The following DPP10 variants were observed in gnomAD, a reference collection of about 807,000 sequenced individuals.
The protein encoded by DPP10 is dipeptidyl peptidase like 10.
A neutral mutation model predicts 120.9 loss-of-function variants in DPP10; 33 were observed. That is an observed-to-expected ratio of 0.27 (90% CI 0.21 to 0.37). The LOEUF is 0.37. Ranked by LOEUF, DPP10 falls within the 10% of genes least tolerant of loss-of-function variation. The probability of loss-of-function intolerance (pLI) is 1.00; values close to 1 mark genes in which losing one functional copy is unlikely to be tolerated. For synonymous variants in DPP10, 337 were observed against 326.1 expected, an observed-to-expected ratio of 1.03 and a Z score of -0.36; for missense variants, 816 against 942.8, an observed-to-expected ratio of 0.87 and a Z score of 1.76.
intron 1 of DPP10, among the ~76,000 whole-genome samples, chr2:114,629,329 C>G (rs1241004137): frequency 6.6e-6 from 1 of 152,110 alleles, no homozygotes; most frequent in Non-Finnish European, 1.5e-5. Flanking sequence ...TTATTGATTA[C>G]AGAAAAACGT....
intron 2 of DPP10, among the ~76,000 whole-genome samples, chr2:115,324,212 G>T (rs553627812): frequency 6.6e-6 from 1 of 152,236 alleles, no homozygotes; most frequent in East Asian, 1.9e-4. Context: ...GGAGGTGGAG[G>T]TTGCAGTGAG....
intron 5 of DPP10, among the ~76,000 whole-genome samples, chr2:115,684,218 A>G (rs1056126027): frequency 5.9e-5 from 9 of 151,848 alleles, no homozygotes; most frequent in Admixed American, 3.3e-4. Flanking sequence ...TAAAAGGGCA[A>G]TGTTTTAAAA....
At chr2:114,575,071 A>G (rs924081211) in intron 1 of DPP10, among the ~76,000 whole-genome samples, 10 of 152,228 alleles carry the variant, frequency 6.6e-5, no homozygotes, top group Non-Finnish European at 1.5e-4. Flanking sequence ...TCCATTTATT[A>G]GTATTTGAGT....
intron 3 of DPP10, among the ~76,000 whole-genome samples, chr2:115,457,195 T>C (rs2073628166): frequency 6.6e-6 from 1 of 151,978 alleles, no homozygotes; most frequent in Non-Finnish European, 1.5e-5. Flanking sequence ...CAAATGGTGA[T>C]AGGAAAATTA....
chr2:114,761,502 A>G (rs187249757), intron 1 of DPP10, among the ~76,000 whole-genome samples: 1 of 152,306 alleles, frequency 6.6e-6, no homozygotes, highest in African/African-American at 2.4e-5. Context: ...AGGGCAAGAT[A>G]GATGGGTTTG....
chr2:115,045,072 A>G (rs145781466), intron 1 of DPP10, among the ~76,000 whole-genome samples: 112 of 152,326 alleles, frequency 7.4e-4, no homozygotes, highest in African/African-American at 2.1e-3. Context: ...TAGTGCTGCA[A>G]TAAATACAGA....
intron 1 of DPP10, among the ~76,000 whole-genome samples, chr2:114,667,662 C>T (rs1445564818): frequency 6.6e-6 from 1 of 152,054 alleles, no homozygotes; most frequent in Non-Finnish European, 1.5e-5. Flanking sequence ...TAATATTGCT[C>T]AAATAGAGCT....
At chr2:115,654,217 C>G (rs1195472078) in intron 5 of DPP10, among the ~76,000 whole-genome samples, 1 of 151,602 alleles carries the variant, frequency 6.6e-6, no homozygotes, top group Admixed American at 6.6e-5. Flanking sequence ...TTAACATAAA[C>G]AAATATAAAA....
At chr2:114,873,469 C>A (rs946033379) in intron 1 of DPP10, among the ~76,000 whole-genome samples, 42 of 152,096 alleles carry the variant, frequency 2.8e-4, no homozygotes, top group Admixed American at 2.6e-3. Context: ...GTTTTGCCAA[C>A]CAACACTACA....
intron 1 of DPP10, among the ~76,000 whole-genome samples, chr2:114,829,946 G>A (rs901087285): frequency 6.6e-6 from 1 of 151,766 alleles, no homozygotes; most frequent in Non-Finnish European, 1.5e-5. Flanking sequence ...TCAAGCTGCC[G>A]CTGCGGCCTG....
intron 1 of DPP10, among the ~76,000 whole-genome samples, chr2:115,087,538 C>T (rs56140054): frequency 0.75 from 73,840 of 98,918 alleles, 28,635 homozygotes; most frequent in Non-Finnish European, 0.86. Context: ...CTTTTCTTTT[C>T]TTTTTTTTTT....
intron 1 of DPP10, among the ~76,000 whole-genome samples, chr2:114,673,450 T>C (rs1467104859): frequency 6.6e-6 from 1 of 152,118 alleles, no homozygotes; most frequent in African/African-American, 2.4e-5. Context: ...TTTTTATTTT[T>C]TGTTTGTTTG....
At chr2:115,123,927 T>C (rs1351318426) in intron 1 of DPP10, among the ~76,000 whole-genome samples, 1 of 151,638 alleles carries the variant, frequency 6.6e-6, no homozygotes, top group African/African-American at 2.4e-5. Flanking sequence ...ATCAGTTATA[T>C]ATAAAATGCC....
chr2:115,272,121 G>A (rs1231845854), intron 1 of DPP10, among the ~76,000 whole-genome samples: 1 of 152,050 alleles, frequency 6.6e-6, no homozygotes, highest in African/African-American at 2.4e-5. Flanking sequence ...AATTGTTGTT[G>A]CTGTTGTTCA....
intron 1 of DPP10, among the ~76,000 whole-genome samples, chr2:114,862,159 A>C (rs573121527): frequency 6.6e-6 from 1 of 152,272 alleles, no homozygotes; most frequent in Admixed American, 6.5e-5. Flanking sequence ...AGAGGGAAGC[A>C]CTAGACAGAG....
intron 1 of DPP10, among the ~76,000 whole-genome samples, chr2:115,274,109 G>C (rs1466953583): frequency 1.3e-5 from 2 of 152,050 alleles, no homozygotes; most frequent in Non-Finnish European, 1.5e-5. Flanking sequence ...GTGTCTGTGT[G>C]TGTGTGTGTG....
intron 1 of DPP10, among the ~76,000 whole-genome samples, chr2:114,796,832 T>G (rs1413165496): frequency 6.6e-6 from 1 of 152,202 alleles, no homozygotes. Context: ...GGTCCAGTGT[T>G]TTGGCCAGCT....
chr2:115,667,971 T>A (rs2149432246), intron 5 of DPP10, among the ~76,000 whole-genome samples: 1 of 152,256 alleles, frequency 6.6e-6, no homozygotes, highest in Non-Finnish European at 1.5e-5. Context: ...ATACAGATGA[T>A]TAATATGTTA....
At chr2:115,522,916 C>A (rs2077903501) in intron 4 of DPP10, among the ~76,000 whole-genome samples, 1 of 151,972 alleles carries the variant, frequency 6.6e-6, no homozygotes, top group Admixed American at 6.6e-5. Context: ...CAGTGTTGAC[C>A]AAGATGTCTC....
Sources: allele counts gnomAD v4.1 joint callset (sites outside exome capture counted in the v4.1 genomes callset), GRCh38; gene constraint gnomAD v4.1.1; transcripts MANE v1.5; gene names NCBI Gene and HGNC (gene_info 2026-07-23, HGNC 2026-07-21).